PDZRN4: variants seen among roughly 807,000 people sequenced by gnomAD.
PDZRN4 encodes PDZ domain containing ring finger 4, also known as PDZ domain-containing RING finger protein 4.
PDZRN4 carries 70 observed loss-of-function variants against 99.0 expected under a neutral mutation model. That is an observed-to-expected ratio of 0.71 (90% CI 0.58 to 0.86). The LOEUF is 0.86. Among genes scored for constraint, PDZRN4 ranks in the 40% least tolerant of loss-of-function variants. The pLI is 0.00. For missense variants in PDZRN4, 1,474 were observed against 1,331.2 expected (o/e 1.11, Z -1.67); for synonymous variants, 551 against 501.6 (o/e 1.10, Z -1.32).
At chr12:41,295,472 T>G (rs1275634389) in intron 3 of PDZRN4, among the ~76,000 whole-genome samples, 1 of 151,972 alleles carries the variant, frequency 6.6e-6, no homozygotes, top group African/African-American at 2.4e-5. Context: ...GAAAGGTAAT[T>G]AGGAAAGTCA....
chr12:41,402,769 T>A (rs1289664122), intron 3 of PDZRN4, among the ~76,000 whole-genome samples: 3 of 150,052 alleles, frequency 2.0e-5, no homozygotes, highest in Admixed American at 6.7e-5. Flanking sequence ...AAAAAAGTTA[T>A]TTTCTGTTTT....
chr12:41,361,367 A>T (rs1012847778), intron 3 of PDZRN4, among the ~76,000 whole-genome samples: 105 of 152,112 alleles, frequency 6.9e-4, no homozygotes, highest in African/African-American at 2.3e-3. Flanking sequence ...TCCTGCCTAA[A>T]CTCCACTTTT....
At chr12:41,288,228 T>C (rs1951433232) in intron 3 of PDZRN4, among the ~76,000 whole-genome samples, 1 of 152,156 alleles carries the variant, frequency 6.6e-6, no homozygotes, top group African/African-American at 2.4e-5. Context: ...CTGGGAGAGT[T>C]GTAAAGCAGA....
At chr12:41,429,303 A>C (rs552452596) in intron 3 of PDZRN4, among the ~76,000 whole-genome samples, 37 of 152,316 alleles carry the variant, frequency 2.4e-4, no homozygotes, top group African/African-American at 8.2e-4. Flanking sequence ...ATAACTACCA[A>C]GAAGGAAAAA....
chr12:41,236,612 G>A (rs536693118), intron 3 of PDZRN4, among the ~76,000 whole-genome samples: 28 of 152,268 alleles, frequency 1.8e-4, no homozygotes, highest in African/African-American at 6.7e-4. Context: ...AATAGATAAT[G>A]AGGACTTGAA....
At chr12:41,501,909 C>A (rs1254356877) in intron 3 of PDZRN4, among the ~76,000 whole-genome samples, 1 of 152,068 alleles carries the variant, frequency 6.6e-6, no homozygotes, top group Non-Finnish European at 1.5e-5. Context: ...CTTGTTAATT[C>A]ATTTGAATAT....
chr12:41,366,812 T>A (rs1231223937), intron 3 of PDZRN4, among the ~76,000 whole-genome samples: 1 of 152,168 alleles, frequency 6.6e-6, no homozygotes, highest in Non-Finnish European at 1.5e-5. Flanking sequence ...ATAGAATATA[T>A]CTTTTTGTAA....
intron 3 of PDZRN4, among the ~76,000 whole-genome samples, chr12:41,256,263 A>G (rs1454255896): frequency 6.6e-6 from 1 of 152,218 alleles, no homozygotes; most frequent in Non-Finnish European, 1.5e-5. Flanking sequence ...ATGAATAAAA[A>G]TTTCTTGAAT....
intron 3 of PDZRN4, among the ~76,000 whole-genome samples, chr12:41,485,778 A>G (rs1214123002): frequency 6.6e-6 from 1 of 152,142 alleles, no homozygotes; most frequent in Non-Finnish European, 1.5e-5. Flanking sequence ...TCCTTAATTT[A>G]CTATTTGTGT....
At chr12:41,550,171 A>C (rs1939027805) in intron 5 of PDZRN4, among the ~76,000 whole-genome samples, 1 of 152,166 alleles carries the variant, frequency 6.6e-6, no homozygotes, top group Non-Finnish European at 1.5e-5. Flanking sequence ...TACACCATTG[A>C]GAATGTGGAG....
chr12:41,404,079 TA>T (rs2120358185), intron 3 of PDZRN4, among the ~76,000 whole-genome samples: 1 of 152,296 alleles, frequency 6.6e-6, no homozygotes, highest in East Asian at 1.9e-4. Context: ...AAACCATCTC[TA>T]GAATACTTAT....
In PDZRN4 at chr12:41,501,219, A is replaced by G. The variant is rs17129417; in HGVS notation, c.844-5237A>G. Among the ~76,000 whole-genome samples the G allele has an allele frequency of 6.1e-3, 927 of 152,184 alleles. 41 individuals carry two copies. In the East Asian group the frequency reaches 0.12, roughly 20 times the overall value. Reference sequence around the variant, plus strand: ...CTTATTTCTCATAAGAGGCATGGAGATTTGGAAACCCTCATCATTCTCAAA... The same window carrying G: ...CTTATTTCTCATAAGAGGCATGGAGGTTTGGAAACCCTCATCATTCTCAAA... On this transcript the variant is annotated intron_variant, in intron 3 of 9. Transcript: ENST00000402685.
intron 3 of PDZRN4, among the ~76,000 whole-genome samples, chr12:41,199,826 C>T (rs945626960): frequency 3.9e-5 from 6 of 151,920 alleles, no homozygotes; most frequent in African/African-American, 1.5e-4. Context: ...CACACATGGA[C>T]ATAGAGAGTG....
At chr12:41,543,301 T>C (rs1938891999) in intron 5 of PDZRN4, among the ~76,000 whole-genome samples, 1 of 152,164 alleles carries the variant, frequency 6.6e-6, no homozygotes, top group African/African-American at 2.4e-5. Context: ...AATGCATCTC[T>C]TGAAAAAGCA....
chr12:41,457,084 A>G (rs984054860), intron 3 of PDZRN4, among the ~76,000 whole-genome samples: 1 of 152,056 alleles, frequency 6.6e-6, no homozygotes, highest in Non-Finnish European at 1.5e-5. Context: ...ATTTTCTTAT[A>G]CTCCTTACTA....
At chr12:41,360,210 T>A (rs73274416) in intron 3 of PDZRN4, among the ~76,000 whole-genome samples, 5,585 of 152,144 alleles carry the variant, frequency 0.037, 347 homozygotes, top group African/African-American at 0.12. Context: ...AGAGCTATTA[T>A]GTTCATAGAG....
rs890796211 is a variant in PDZRN4 at position 41,257,295 on chromosome 12, C to T, written c.843+63107C>T. 3.9e-5 allele frequency among the ~76,000 whole-genome samples: 6 copies of T among 152,316 alleles called. No homozygotes were observed. In the South Asian group the frequency reaches 1.2e-3, roughly 32 times the overall value. On this transcript the variant is annotated intron_variant, in intron 3 of 9. Transcript: ENST00000402685. ...TGGTCCTCTTCCAGGTTGCAGATTG[C>T]TGACTTTTCATTGTTTCCTCACATG...
At chr12:41,290,316 A>C (rs74743111) in intron 3 of PDZRN4, among the ~76,000 whole-genome samples, 3,460 of 152,316 alleles carry the variant, frequency 0.023, 50 homozygotes, top group Non-Finnish European at 0.038. Context: ...GGCTTTTAAA[A>C]AATTCTTTGA....
Position 41,201,175 on chromosome 12 carries a change from A to AG in PDZRN4, c.843+6987_843+6988insG, listed in dbSNP as rs1050334361. ...TACTTTCTTTGTGCAATTAAAAAAA[A>AG]AAACCCTCTACTATCGTTTCGTGAA... On this transcript the variant is annotated intron_variant, in intron 3 of 9. Coordinates refer to ENST00000402685, the MANE Select transcript of PDZRN4 (RefSeq NM_001164595.2). 1.4e-4 allele frequency among the ~76,000 whole-genome samples: 21 copies of AG among 151,032 alleles called. No homozygotes were observed. In the East Asian group the frequency reaches 3.3e-3, roughly 24 times the overall value.
Sources: allele counts gnomAD v4.1 joint callset (sites outside exome capture counted in the v4.1 genomes callset), GRCh38; gene constraint gnomAD v4.1.1; transcripts MANE v1.5; gene names NCBI Gene and HGNC (gene_info 2026-07-23, HGNC 2026-07-21).